Variants in CMTM8 observed in about 807,000 individuals in gnomAD.
CMTM8 encodes the protein CKLF-like MARVEL transmembrane domain-containing protein 8.
Under a neutral mutation model 18.6 loss-of-function variants are expected in CMTM8, and 12 were observed. The observed-to-expected ratio is 0.65, with a 90% CI of 0.41 to 1.05. The LOEUF (loss-of-function observed/expected upper bound fraction) is 1.05, where lower values mean the gene tolerates loss of function less well. CMTM8 is among the 50% of genes least tolerant of loss of function. The pLI is 0.00. For missense variants in CMTM8, 217 were observed against 227.2 expected (o/e 0.95, Z 0.29); for synonymous variants, 87 against 90.6 (o/e 0.96, Z 0.23).
At chr3:32,337,477 G>A (rs1036072572) in intron 1 of CMTM8, among the ~76,000 whole-genome samples, 62 of 152,170 alleles carry the variant, frequency 4.1e-4, no homozygotes, top group African/African-American at 1.5e-3. Flanking sequence ...TTTACTTAAT[G>A]GTGACCCAGG....
chr3:32,317,979 C>G (rs1403827961), intron 1 of CMTM8, among the ~76,000 whole-genome samples: 2 of 147,678 alleles, frequency 1.4e-5, no homozygotes, highest in African/African-American at 2.5e-5. Flanking sequence ...CGCTTGAAAC[C>G]AGAAGACAGA....
At chr3:32,299,630 T>A (rs1252822069) in intron 1 of CMTM8, among the ~76,000 whole-genome samples, 1 of 152,188 alleles carries the variant, frequency 6.6e-6, no homozygotes, top group Non-Finnish European at 1.5e-5. Context: ...TACAAATGAT[T>A]CAGTTATACT....
At chr3:32,349,997 G>A (rs910290622) in intron 1 of CMTM8, among the ~76,000 whole-genome samples, 1 of 151,096 alleles carries the variant, frequency 6.6e-6, no homozygotes, top group Non-Finnish European at 1.5e-5. Flanking sequence ...GACAGAGCAA[G>A]ACTTTGTCTC....
chr3:32,281,453 C>T (rs1702609510), intron 1 of CMTM8, among the ~76,000 whole-genome samples: 1 of 152,120 alleles, frequency 6.6e-6, no homozygotes. Flanking sequence ...TACATATATA[C>T]ATGTAGTATC....
chr3:32,260,267 G>A lies in CMTM8; in HGVS notation c.147+21148G>A. The A allele has an allele frequency of 6.8e-6, 8 of 1,177,566 alleles. No homozygotes were observed. In the South Asian group the frequency reaches 8.8e-5, roughly 13 times the overall value. The allele number at this position is 1,177,566 out of a possible 1,614,324, so 72.9% of individuals were successfully genotyped here. On this transcript the variant is annotated intron_variant, in intron 1 of 3. Coordinates refer to ENST00000307526, the MANE Select transcript of CMTM8 (RefSeq NM_178868.5). ...CAGGGTACCCTTTGGGGATCAGGAG[G>A]CCAATAAAAAGTTCAGAGGTCATTG...
chr3:32,355,416 C>T (rs939244615), intron 1 of CMTM8, among the ~76,000 whole-genome samples: 1 of 152,172 alleles, frequency 6.6e-6, no homozygotes, highest in Non-Finnish European at 1.5e-5. Flanking sequence ...GCTCCCTTCT[C>T]CTCCCCCAAC....
At chr3:32,357,838 TTTA>T (rs1231346391) in intron 2 of CMTM8, among the ~76,000 whole-genome samples, 1 of 152,204 alleles carries the variant, frequency 6.6e-6, no homozygotes, top group Non-Finnish European at 1.5e-5. Context: ...AGATTCTCAT[TTTA>T]TTATTTCCCT....
intron 1 of CMTM8, among the ~76,000 whole-genome samples, chr3:32,323,965 G>A (rs755116233): frequency 1.3e-5 from 2 of 152,222 alleles, no homozygotes; most frequent in Non-Finnish European, 1.5e-5. Context: ...AAACTGACCA[G>A]TTCTGCTAGT....
chr3:32,330,945 C>G (rs1696263274), intron 1 of CMTM8, among the ~76,000 whole-genome samples: 1 of 152,086 alleles, frequency 6.6e-6, no homozygotes, highest in Non-Finnish European at 1.5e-5. Flanking sequence ...TTGCATATGA[C>G]AACAAAAGCA....
intron 2 of CMTM8, among the ~76,000 whole-genome samples, chr3:32,361,286 G>GTTTGTTGTTTTTTTTTTT (rs140270969): frequency 1.1e-5 from 1 of 87,230 alleles, no homozygotes; most frequent in Non-Finnish European, 2.4e-5. Flanking sequence ...CAGCCTAAGA[G>GTTTGTTGTTTTTTTTTTT]TTTTTTTTTC....
chr3:32,341,093 C>T (rs544442027), intron 1 of CMTM8, among the ~76,000 whole-genome samples: 12 of 152,336 alleles, frequency 7.9e-5, no homozygotes, highest in South Asian at 4.1e-4. Flanking sequence ...ATGTACTTGT[C>T]CTTCACCAAG....
chr3:32,302,487 T>G (rs1695639515), intron 1 of CMTM8, among the ~76,000 whole-genome samples: 1 of 152,168 alleles, frequency 6.6e-6, no homozygotes, highest in Admixed American at 6.5e-5. Context: ...GAGCAAAGAT[T>G]TCCTTGCCTA....
At chr3:32,305,353 A>G (rs989752670) in intron 1 of CMTM8, among the ~76,000 whole-genome samples, 1 of 151,476 alleles carries the variant, frequency 6.6e-6, no homozygotes, top group East Asian at 1.9e-4. Flanking sequence ...GCGACTGGAG[A>G]CATTTTTGAT....
chr3:32,284,438 G>A (rs995036910), intron 1 of CMTM8, among the ~76,000 whole-genome samples: 8 of 152,202 alleles, frequency 5.3e-5, no homozygotes, highest in East Asian at 3.8e-4. Flanking sequence ...CCAGGGAAGC[G>A]GAGTGGGGCT....
At chr3:32,322,274 GT>G (rs969495220) in intron 1 of CMTM8, among the ~76,000 whole-genome samples, 11 of 150,776 alleles carry the variant, frequency 7.3e-5, no homozygotes, top group Non-Finnish European at 1.6e-4. Flanking sequence ...GCTTGTTTTT[GT>G]TTTTTTTTCC....
At chr3:32,283,763 G>C (rs1457520728) in intron 1 of CMTM8, among the ~76,000 whole-genome samples, 2 of 152,110 alleles carry the variant, frequency 1.3e-5, no homozygotes. Context: ...CCCCGAGGAG[G>C]AATAAGCAAG....
chr3:32,337,091 C>T (rs961351225), intron 1 of CMTM8, among the ~76,000 whole-genome samples: 4 of 152,076 alleles, frequency 2.6e-5, no homozygotes, highest in African/African-American at 9.7e-5. Context: ...AACCTCCTCC[C>T]GAGATAACTC....
chr3:32,343,736 G>C (rs903522999), intron 1 of CMTM8, among the ~76,000 whole-genome samples: 1 of 152,038 alleles, frequency 6.6e-6, no homozygotes, highest in African/African-American at 2.4e-5. Context: ...CACCAATCTT[G>C]TCACCCAGGC....
At chr3:32,302,118 G>A (rs1235445919) in intron 1 of CMTM8, among the ~76,000 whole-genome samples, 2 of 149,496 alleles carry the variant, frequency 1.3e-5, no homozygotes, top group Non-Finnish European at 3.0e-5. Context: ...GACCAACATG[G>A]GCAATTCCTG....
Sources: gnomAD v4.1 joint callset for allele counts (sites outside exome capture counted in the v4.1 genomes callset) on GRCh38, gnomAD v4.1.1 for gene constraint, MANE v1.5 for transcripts, NCBI Gene and HGNC (gene_info 2026-07-23, HGNC 2026-07-21) for gene names.